Variants in PRKDC observed in about 807,000 individuals in gnomAD.
PRKDC encodes DNA-dependent protein kinase catalytic subunit.
Under a neutral mutation model 486.9 loss-of-function variants are expected in PRKDC, and 82 were observed. The observed-to-expected ratio is 0.17, with a 90% confidence interval of 0.14 to 0.20. The LOEUF is 0.20. Among genes scored for constraint, PRKDC ranks in the 10% least tolerant of loss-of-function variants. The pLI is 1.00. For synonymous variants in PRKDC, 1,895 were observed against 1,837.0 expected (o/e 1.03, Z -0.81); for missense variants, 4,504 against 5,038.2 (o/e 0.89, Z 3.21).
chr8:47,814,972 G>A (rs1020808319), intron 68 of PRKDC, among the ~76,000 whole-genome samples: 2 of 152,068 alleles, frequency 1.3e-5, no homozygotes, highest in African/African-American at 4.8e-5. Context: ...ATACCATCCT[G>A]GGCAACATAG....
intron 67 of PRKDC, among the ~76,000 whole-genome samples, chr8:47,818,147 C>T (rs2087490499): frequency 6.6e-6 from 1 of 152,022 alleles, no homozygotes. Context: ...AAACAGCAGT[C>T]AGGAACACAA....
intron 67 of PRKDC, among the ~76,000 whole-genome samples, chr8:47,818,012 T>C (rs2087487400): frequency 6.6e-6 from 1 of 152,226 alleles, no homozygotes; most frequent in Non-Finnish European, 1.5e-5. Context: ...CCCTGGCATG[T>C]ACACAGGTAA....
At chr8:47,938,377 C>T (rs2090388845) in intron 11 of PRKDC, among the ~76,000 whole-genome samples, 1 of 149,568 alleles carries the variant, frequency 6.7e-6, no homozygotes, top group Non-Finnish European at 1.5e-5. Flanking sequence ...TGCCATCGCA[C>T]TCCAGCCTGG....
intron 4 of PRKDC, 67 bp downstream of exon 4, chr8:47,955,807 A>G (rs964669918): frequency 7.6e-7 from 1 of 1,323,502 alleles, no homozygotes; most frequent in Admixed American, 2.2e-5. Context: ...ACACAACTCA[A>G]AACTCTGATT....
chr8:47,826,885 G>T, intron 62 of PRKDC, 24 bp from the exon 63 acceptor site: 1 of 1,539,574 alleles, frequency 6.5e-7, no homozygotes, highest in Non-Finnish European at 8.8e-7. Context: ...CATACAACCA[G>T]CTGTTTAGCT....
intron 68 of PRKDC, among the ~76,000 whole-genome samples, chr8:47,810,150 T>C (rs375796722): frequency 6.6e-6 from 1 of 152,158 alleles, no homozygotes; most frequent in African/African-American, 2.4e-5. Context: ...GAGCCTACTA[T>C]CTAAACAGAT....
intron 50 of PRKDC, 66 bp downstream of exon 50, chr8:47,855,156 T>C: frequency 7.4e-7 from 1 of 1,357,686 alleles, no homozygotes; most frequent in Non-Finnish European, 1.0e-6. Flanking sequence ...ACTGTAATCA[T>C]CATTTACGAC....
At chr8:47,940,556 C>T (rs1315572543) in intron 10 of PRKDC, among the ~76,000 whole-genome samples, 2 of 152,188 alleles carry the variant, frequency 1.3e-5, no homozygotes, top group East Asian at 3.8e-4. Context: ...AAGAATGAAA[C>T]ATTGTATATA....
intron 40 of PRKDC, among the ~76,000 whole-genome samples, chr8:47,875,338 C>T (rs2089069119): frequency 6.6e-6 from 1 of 151,960 alleles, no homozygotes; most frequent in Non-Finnish European, 1.5e-5. Flanking sequence ...AACTGTGGTT[C>T]TTCCTTTATT....
chr8:47,830,810 C>T (rs1334487128), intron 60 of PRKDC, 74 bp from the exon 61 acceptor site: 9 of 1,580,618 alleles, frequency 5.7e-6, no homozygotes, highest in Non-Finnish European at 8.7e-7. Context: ...AGCTATGAGG[C>T]TGCCAGGATC....
chr8:47,798,151 G>A, intron 73 of PRKDC, 86 bp downstream of exon 73: 1 of 1,391,546 alleles, frequency 7.2e-7, no homozygotes, highest in South Asian at 1.4e-5. Flanking sequence ...TACATGCACT[G>A]CACACACTAA....
At chr8:47,790,957 T>TACAAAA (rs933391953) in intron 74 of PRKDC, among the ~76,000 whole-genome samples, 2 of 151,832 alleles carry the variant, frequency 1.3e-5, no homozygotes, top group African/African-American at 4.8e-5. Flanking sequence ...CCAATAAAAC[T>TACAAAA]ACAAAAACAA....
Position 47,886,038 on chromosome 8 carries a change from C to G in PRKDC, c.4682G>C (p.Ser1561Thr), listed in dbSNP as rs535333684. ...CGTGTTGATCGTTTCTGAGAACAAG[C>G]TATAGAAATACTCCCCATGGGAGAA... The part of the protein sequence containing the change: ...IHFSHGEYFY[S>T]LFSETINTEL... The change falls in exon 36 of 86, where the codon AGC becomes ACC. Residue 1561 changes from serine (S) to threonine (T), a missense_variant. Transcript: ENST00000314191. 44 of 1,613,746 alleles carry G rather than the reference C, an allele frequency of 2.7e-5. 1 individual carries two copies. The African/African-American group carries it at 5.2e-4, about 19-fold the overall frequency.
intron 59 of PRKDC, among the ~76,000 whole-genome samples, chr8:47,833,499 CCA>C (rs1355606271): frequency 7.6e-4 from 116 of 152,222 alleles, no homozygotes; most frequent in Non-Finnish European, 1.3e-3. Context: ...CATCTGTTAG[CCA>C]AGACCAGGTC....
At chr8:47,808,361 G>A (rs959252548) in intron 68 of PRKDC, among the ~76,000 whole-genome samples, 1 of 152,146 alleles carries the variant, frequency 6.6e-6, no homozygotes, top group African/African-American at 2.4e-5. Flanking sequence ...TGCCAGGCTG[G>A]TCTCGAGCTC....
chr8:47,820,687 T>TAC, intron 66 of PRKDC, 32 bp downstream of exon 66: 1 of 1,117,524 alleles, frequency 8.9e-7, no homozygotes, highest in South Asian at 2.6e-5. Flanking sequence ...ACTATATATA[T>TAC]ACAAGCATAT....
chr8:47,936,077 ACACT>A (rs1441209480), intron 12 of PRKDC, among the ~76,000 whole-genome samples, 177 bp from the exon 13 acceptor site: 1 of 152,206 alleles, frequency 6.6e-6, no homozygotes, highest in Non-Finnish European at 1.5e-5. Context: ...AAAAAAACAC[ACACT>A]CAGAGTAAAA....
Position 47,959,970 on chromosome 8 carries a change from C to T in PRKDC, c.154+3G>A. On this transcript the variant is annotated splice_donor_region_variant and intron_variant, in intron 1 of 85. Coordinates refer to ENST00000314191, the MANE Select transcript of PRKDC (RefSeq NM_006904.7). ...CCGCGGCCCAGCTCGGGCCGGTACC[C>T]ACCCAGCACCGCGGGGCTGCTGCTC... The T allele has an allele frequency of 6.5e-7, 1 of 1,535,088 alleles. No individual in the cohort carries two copies. The highest frequency in any genetic ancestry group is 2.4e-5 in the East Asian group (1 of 40,912).
At chr8:47,943,828 T>C in intron 9 of PRKDC, 25 bp downstream of exon 9, 1 of 1,531,928 alleles carries the variant, frequency 6.5e-7, no homozygotes, top group South Asian at 1.2e-5. Context: ...TAAAATATTA[T>C]ACCTCATTAT....
Sources: allele counts gnomAD v4.1 joint callset (sites outside exome capture counted in the v4.1 genomes callset), GRCh38; gene constraint gnomAD v4.1.1; transcripts MANE v1.5; gene names NCBI Gene and HGNC (gene_info 2026-07-23, HGNC 2026-07-21).